The following NBPF20 variants were observed in gnomAD, a reference collection of about 807,000 sequenced individuals.
The protein encoded by NBPF20 is NBPF family member NBPF20.
In NBPF20, 90 loss-of-function variants were observed where a neutral mutation model predicts 68.1. The observed-to-expected ratio is 1.32, with a 90% CI of 1.11 to 1.58. The LOEUF (loss-of-function observed/expected upper bound fraction) is 1.58, where lower values mean the gene tolerates loss of function less well. Ranked by LOEUF, NBPF20 falls within the 40% of genes most tolerant of loss-of-function variation. The pLI is 0.00. For synonymous variants in NBPF20, 290 were observed against 228.1 expected (o/e 1.27, Z -2.45); for missense variants, 816 against 601.2 (o/e 1.36, Z -3.74).
chr1:145,400,124 G>A (rs1344968777), intron 6 of NBPF20, among the ~76,000 whole-genome samples: 1 of 152,156 alleles, frequency 6.6e-6, no homozygotes, highest in Non-Finnish European at 1.5e-5. Context: ...GAAGCTAGTA[G>A]GCCTGACAGA....
chr1:145,394,827 A>C (rs1216895796), intron 8 of NBPF20, among the ~76,000 whole-genome samples, 151 bp downstream of exon 13: 1 of 152,208 alleles, frequency 6.6e-6, no homozygotes, highest in African/African-American at 2.4e-5. Flanking sequence ...TTCAGACTCG[A>C]CTCCAGAGTG....
At chr1:145,422,111 G>A in the NBPF20 span, among the ~76,000 whole-genome samples, 32 of 150,364 alleles carry the variant, frequency 2.1e-4, no homozygotes, top group South Asian at 4.2e-4. Flanking sequence ...ATCATATCAC[G>A]TCGGCCCTTT....
exon 138 of NBPF20, chr1:145,290,150 G>A (rs1660972082): frequency 6.7e-6 from 1 of 148,566 alleles, no homozygotes; most frequent in South Asian, 2.1e-4. Context: ...AAAATTTGCA[G>A]TGTAGAGATA....
intron 118 of NBPF20, among the ~76,000 whole-genome samples, chr1:145,307,153 A>G (rs1661421882): frequency 4.6e-5 from 1 of 21,702 alleles, no homozygotes; most frequent in Non-Finnish European, 7.5e-5. Context: ...CACTGAAATT[A>G]GAATGAAGGA....
chr1:145,292,550 C>A (rs1472851733), intron 136 of NBPF20, 61 bp from the exon 142 acceptor site: 2 of 710,484 alleles, frequency 2.8e-6, no homozygotes, highest in Non-Finnish European at 5.0e-6. Context: ...ACATAACAAT[C>A]CACTGTCTAA....
chr1:145,393,351 G>A (rs1415713945), intron 9 of NBPF20, 105 bp from the exon 15 acceptor site: 1 of 699,426 alleles, frequency 1.4e-6, no homozygotes, highest in South Asian at 1.6e-5. Flanking sequence ...AAAAGAAAAA[G>A]GACAGATCCA....
At chr1:145,400,730 GGAACAT>G (rs2101571579) in intron 5 of NBPF20, 136 bp from the exon 11 acceptor site, 1 of 1,412,836 alleles carries the variant, frequency 7.1e-7, no homozygotes, top group Non-Finnish European at 9.9e-7. Context: ...CCATTAAGGG[GGAACAT>G]GCAATCCTGT....
At chr1:145,410,799 T>C in the NBPF20 span, among the ~76,000 whole-genome samples, 12 of 81,406 alleles carry the variant, frequency 1.5e-4, no homozygotes, top group African/African-American at 4.7e-4. Flanking sequence ...TATATATACG[T>C]ATATGTATAT....
At chr1:145,398,908 A>G (rs1662385104) in intron 7 of NBPF20, 141 bp downstream of exon 12, 2 of 612,850 alleles carry the variant, frequency 3.3e-6, no homozygotes. Context: ...GCTACAAATA[A>G]CATACAACAT....
At chr1:145,290,318 AC>A (rs1406012427) in exon 138 of NBPF20, 1 of 149,170 alleles carries the variant, frequency 6.7e-6, no homozygotes, top group East Asian at 1.9e-4. Context: ...GATCTCCTAG[AC>A]CCCTCCTTAA....
At chr1:145,292,041 T>A (rs1553657946) in intron 137 of NBPF20, among the ~76,000 whole-genome samples, 1 of 149,014 alleles carries the variant, frequency 6.7e-6, no homozygotes, top group African/African-American at 2.6e-5. Context: ...GGTAAGGGAG[T>A]CAAAGGACAC....
the NBPF20 span, among the ~76,000 whole-genome samples, chr1:145,425,490 G>A: frequency 6.6e-6 from 1 of 152,200 alleles, no homozygotes; most frequent in African/African-American, 2.4e-5. Context: ...TCACTCAGAA[G>A]CTCACGCAGC....
chr1:145,334,685 AG>A (rs1661549829), intron 83 of NBPF20, 54 bp from the exon 89 acceptor site: 14 of 414,972 alleles, frequency 3.4e-5, no homozygotes, highest in South Asian at 2.9e-4. Flanking sequence ...GAAACCACAC[AG>A]CCCCAGCTAG....
intron 8 of NBPF20, among the ~76,000 whole-genome samples, chr1:145,394,193 A>G (rs1244687867): frequency 1.8e-3 from 269 of 152,170 alleles, no homozygotes; most frequent in African/African-American, 6.1e-3. Flanking sequence ...TCTGTACACA[A>G]ATGAGAAATT....
exon 4 of NBPF20, chr1:145,402,341 T>G: frequency 6.2e-7 from 1 of 1,601,938 alleles, no homozygotes; most frequent in Non-Finnish European, 8.5e-7. Context: ...CTTAACTGGG[T>G]CAGCTCTCGT....
chr1:145,399,292 G>A (rs1662399795), intron 6 of NBPF20, among the ~76,000 whole-genome samples, 192 bp from the exon 12 acceptor site: 1 of 152,016 alleles, frequency 6.6e-6, no homozygotes. Context: ...AGACCCACAG[G>A]CCAAAATCTC....
At chr1:145,342,821 C>G (rs1414865599) in intron 73 of NBPF20, among the ~76,000 whole-genome samples, 1 of 101,386 alleles carries the variant, frequency 9.9e-6, no homozygotes, top group African/African-American at 4.2e-5. Flanking sequence ...ACAGAGAGAA[C>G]GAGCTCAGTG....
At chr1:145,394,785 G>T (rs1481041589) in intron 8 of NBPF20, among the ~76,000 whole-genome samples, 193 bp downstream of exon 13, 1 of 152,282 alleles carries the variant, frequency 6.6e-6, no homozygotes, top group South Asian at 2.1e-4. Context: ...TAGGAAGAGA[G>T]CAAAGCTCAC....
At chr1:145,421,778 T>C in the NBPF20 span, among the ~76,000 whole-genome samples, 1 of 152,230 alleles carries the variant, frequency 6.6e-6, no homozygotes, top group Non-Finnish European at 1.5e-5. Flanking sequence ...TGATGGCTTA[T>C]GCCTGTAATC....
Sources: allele counts gnomAD v4.1 joint callset (sites outside exome capture counted in the v4.1 genomes callset), GRCh38; gene constraint gnomAD v4.1.1; transcripts MANE v1.5; gene names NCBI Gene and HGNC (gene_info 2026-07-23, HGNC 2026-07-21).